The following PPME1 variants were observed in gnomAD, a reference collection of about 807,000 sequenced individuals.
The protein encoded by PPME1 is testicular secretory protein Li 39.
PPME1 carries 17 observed loss-of-function variants against 56.9 expected under a neutral mutation model. The observed-to-expected ratio is 0.30, with a 90% CI of 0.20 to 0.45. The LOEUF (loss-of-function observed/expected upper bound fraction) is 0.45. Ranked by LOEUF, PPME1 falls within the 20% of genes least tolerant of loss-of-function variation. The probability of loss-of-function intolerance (pLI) is 1.00; values close to 1 mark genes in which losing one functional copy is unlikely to be tolerated. For missense variants in PPME1, 357 were observed against 483.2 expected (o/e 0.74, Z 2.45); for synonymous variants, 122 against 156.2 (o/e 0.78, Z 1.63).
At chr11:74,209,034 G>T (rs1858403116) in intron 3 of PPME1, among the ~76,000 whole-genome samples, 1 of 152,150 alleles carries the variant, frequency 6.6e-6, no homozygotes, top group African/African-American at 2.4e-5. Flanking sequence ...GAAGGGGCTT[G>T]TATACCTAGC....
At chr11:74,171,692 G>T (rs1230575721) in intron 1 of PPME1, among the ~76,000 whole-genome samples, 170 bp downstream of exon 1, 1 of 152,158 alleles carries the variant, frequency 6.6e-6, no homozygotes, top group Non-Finnish European at 1.5e-5. Flanking sequence ...TAGGGGAGGC[G>T]CCAAGTCAAT....
intron 3 of PPME1, among the ~76,000 whole-genome samples, chr11:74,214,026 G>C (rs1858551775): frequency 6.6e-6 from 1 of 152,220 alleles, no homozygotes; most frequent in African/African-American, 2.4e-5. Context: ...GAGAGACAGA[G>C]ATATGTGACC....
intron 1 of PPME1, among the ~76,000 whole-genome samples, chr11:74,179,491 T>G (rs984465898): frequency 2.0e-5 from 3 of 152,120 alleles, no homozygotes; most frequent in African/African-American, 4.8e-5. Context: ...TGAGACCCTA[T>G]CTCTAAAAAT....
At chr11:74,212,675 A>T (rs1858511286) in intron 3 of PPME1, among the ~76,000 whole-genome samples, 1 of 152,000 alleles carries the variant, frequency 6.6e-6, no homozygotes, top group South Asian at 2.1e-4. Context: ...CTATAGTAGG[A>T]TAAGGCACCA....
At chr11:74,180,071 A>G (rs1478985592) in intron 1 of PPME1, among the ~76,000 whole-genome samples, 1 of 152,232 alleles carries the variant, frequency 6.6e-6, no homozygotes, top group Non-Finnish European at 1.5e-5. Flanking sequence ...ATGTAAAAAC[A>G]TACAACTTAC....
intron 1 of PPME1, among the ~76,000 whole-genome samples, chr11:74,174,259 G>A (rs1248675367): frequency 1.3e-5 from 2 of 152,216 alleles, no homozygotes; most frequent in Non-Finnish European, 2.9e-5. Context: ...CGGTAGGGCC[G>A]TTAAGGACTA....
At chr11:74,197,181 A>AAGGATTAAGTAAGGATTATT (rs1468509119) in intron 1 of PPME1, among the ~76,000 whole-genome samples, 14 of 152,218 alleles carry the variant, frequency 9.2e-5, no homozygotes, top group African/African-American at 3.4e-4. Context: ...GAAAGTTTAT[A>AAGGATTAAGTAAGGATTATT]AGGATTAAGT....
In PPME1 at chr11:74,171,358, GC is replaced by G; in HGVS notation, c.-62del. 6.5e-7 allele frequency: 1 copy of G among 1,546,484 alleles called. No individual in the cohort carries two copies. The highest frequency in any genetic ancestry group is 8.7e-7 in the Non-Finnish European group (1 of 1,144,404). On this transcript the variant is annotated 5_prime_UTR_variant, in exon 1 of 14. Coordinates refer to ENST00000328257, the MANE Select transcript of PPME1 (RefSeq NM_016147.3). ...AGGGGAGCGAGTCGTGACCGGTTGG[GC>G]CACACTCAACGTGGGACGAAGCTTC...
At chr11:74,239,283 A>G in intron 9 of PPME1, 27 bp downstream of exon 9, 3 of 1,608,476 alleles carry the variant, frequency 1.9e-6, no homozygotes, top group Non-Finnish European at 2.5e-6. Flanking sequence ...ATTCTTGAAA[A>G]GATGCGGTAT....
intron 1 of PPME1, among the ~76,000 whole-genome samples, chr11:74,188,128 T>C (rs1285803451): frequency 6.6e-6 from 1 of 152,092 alleles, no homozygotes; most frequent in East Asian, 1.9e-4. Flanking sequence ...TTATTGCTTA[T>C]AGGCCTTTGT....
At chr11:74,195,367 T>A (rs895952761) in intron 1 of PPME1, among the ~76,000 whole-genome samples, 3 of 152,194 alleles carry the variant, frequency 2.0e-5, no homozygotes, top group South Asian at 2.1e-4. Flanking sequence ...TGAACACTAT[T>A]ATTAATGGAA....
intron 3 of PPME1, chr11:74,205,196 T>G (rs1054312068): frequency 2.0e-5 from 3 of 152,232 alleles, no homozygotes; most frequent in Non-Finnish European, 2.9e-5. Flanking sequence ...TTCTTCCTTT[T>G]TGAAATGATT....
chr11:74,227,197 GT>G (rs1858952519), intron 5 of PPME1, among the ~76,000 whole-genome samples: 1 of 152,166 alleles, frequency 6.6e-6, no homozygotes, highest in Non-Finnish European at 1.5e-5. Flanking sequence ...GAAGTTCTGT[GT>G]TTCTCTAGCA....
intron 11 of PPME1, 76 bp downstream of exon 11, chr11:74,247,199 G>A (rs1859524844): frequency 5.3e-6 from 7 of 1,325,354 alleles, no homozygotes; most frequent in African/African-American, 1.5e-5. Context: ...TCCTGAGATA[G>A]TGAGGTATAA....
intron 1 of PPME1, among the ~76,000 whole-genome samples, chr11:74,191,665 A>C (rs1397026624): frequency 6.6e-6 from 1 of 152,092 alleles, no homozygotes; most frequent in African/African-American, 2.4e-5. Flanking sequence ...TATCCTGGCT[A>C]CTCATGCTCC....
At position 74,231,016 on chromosome 11, in the gene PPME1, C is replaced by A. The variant is rs1435253604; in HGVS notation, c.644+14C>A. On this transcript the variant is annotated intron_variant, in intron 7 of 13. Transcript: ENST00000328257. Reference sequence around the variant, plus strand: ...TATTGAATGGAGGTAACCAACAAATCTTTGTCGCCTTTATTTAATTAATTT... The same window carrying A: ...TATTGAATGGAGGTAACCAACAAATATTTGTCGCCTTTATTTAATTAATTT... 1.6e-5 allele frequency: 24 copies of A among 1,541,100 alleles called. No homozygotes were observed. Among genetic ancestry groups the A allele is most frequent in the Non-Finnish European group, 2.0e-5 (23 of 1,127,698 alleles).
chr11:74,239,289 G>C (rs143308012), intron 9 of PPME1, 33 bp downstream of exon 9: 1 of 1,604,440 alleles, frequency 6.2e-7, no homozygotes. Flanking sequence ...GAAAAGATGC[G>C]GTATGGAATG....
At chr11:74,226,977 G>A (rs1048252644) in intron 5 of PPME1, among the ~76,000 whole-genome samples, 1 of 152,154 alleles carries the variant, frequency 6.6e-6, no homozygotes, top group African/African-American at 2.4e-5. Context: ...CACGACCATG[G>A]TTTACTGAAG....
intron 9 of PPME1, among the ~76,000 whole-genome samples, chr11:74,243,144 C>A (rs1001928346): frequency 1.3e-5 from 2 of 152,034 alleles, no homozygotes; most frequent in African/African-American, 2.4e-5. Flanking sequence ...TTCTCCCACC[C>A]AACAACAAGT....
Sources: gnomAD v4.1 joint callset for allele counts (sites outside exome capture counted in the v4.1 genomes callset) on GRCh38, gnomAD v4.1.1 for gene constraint, MANE v1.5 for transcripts, NCBI Gene and HGNC (gene_info 2026-07-23, HGNC 2026-07-21) for gene names.